GRM1: variants seen among roughly 807,000 people sequenced by gnomAD.
GRM1 encodes glutamate metabotropic receptor 1, also known as metabotropic glutamate receptor 1.
In GRM1, 33 loss-of-function variants were observed where a neutral mutation model predicts 90.9. That is an observed-to-expected ratio of 0.36 (90% CI 0.28 to 0.49). The LOEUF (loss-of-function observed/expected upper bound fraction) is 0.49. Among genes scored for constraint, GRM1 ranks in the 20% least tolerant of loss-of-function variants. GRM1 has a pLI of 0.99. For missense variants in GRM1, 1,190 were observed against 1,534.3 expected (o/e 0.78, Z 3.75); for synonymous variants, 700 against 613.2 (o/e 1.14, Z -2.09).
intron 1 of GRM1, among the ~76,000 whole-genome samples, chr6:146,049,388 C>A (rs13198450): frequency 0.39 from 59,240 of 151,784 alleles, 11,913 homozygotes; most frequent in Middle Eastern, 0.51. Flanking sequence ...TGGGACCCCC[C>A]TTTTCTCCTT....
intron 5 of GRM1, among the ~76,000 whole-genome samples, chr6:146,372,075 T>G (rs562044897): frequency 6.6e-6 from 1 of 152,142 alleles, no homozygotes; most frequent in Non-Finnish European, 1.5e-5. Flanking sequence ...TACATTCCCA[T>G]GAACAGTGTA....
At chr6:146,067,821 G>T (rs375623740) in intron 1 of GRM1, among the ~76,000 whole-genome samples, 15 of 152,134 alleles carry the variant, frequency 9.9e-5, no homozygotes, top group East Asian at 9.6e-4. Context: ...TTCTCAAAAT[G>T]TTGTGAAAAT....
chr6:146,280,967 C>G (rs1782545490), intron 2 of GRM1, among the ~76,000 whole-genome samples: 1 of 152,020 alleles, frequency 6.6e-6, no homozygotes, highest in South Asian at 2.1e-4. Flanking sequence ...ACCAACCTCA[C>G]CCATCCTTTC....
intron 1 of GRM1, 127 bp from the exon 2 acceptor site, chr6:146,159,221 G>A: frequency 9.3e-7 from 1 of 1,069,656 alleles, no homozygotes; most frequent in Non-Finnish European, 1.4e-6. Flanking sequence ...GTCAGTCTCA[G>A]CCATATTTAC....
At chr6:146,288,179 T>C (rs1279525296) in intron 2 of GRM1, among the ~76,000 whole-genome samples, 1 of 152,128 alleles carries the variant, frequency 6.6e-6, no homozygotes, top group Admixed American at 6.6e-5. Context: ...AATGACCCTG[T>C]TAAGGAGTAC....
At chr6:146,140,081 T>A (rs1776793792) in intron 1 of GRM1, among the ~76,000 whole-genome samples, 1 of 137,862 alleles carries the variant, frequency 7.3e-6, no homozygotes, top group Non-Finnish European at 1.6e-5. Context: ...TTTTCTCCTT[T>A]CTTTCTTTAT....
Position 146,215,788 on chromosome 6 carries a change from G to A in GRM1, c.950+56191G>A, listed in dbSNP as rs555755103. Among the ~76,000 whole-genome samples, 444 of 146,194 alleles carry A rather than the reference G, an allele frequency of 3.0e-3. 2 individuals carry two copies. Among genetic ancestry groups the A allele is most frequent in the Non-Finnish European group, 4.1e-3 (275 of 67,152 alleles). ...TTTTTTTTTTTTGAGACAGAGTCTC[G>A]CTCTGTTGCCCAGGCTGGAGTGCAG... On this transcript the variant is annotated intron_variant, in intron 2 of 7. Coordinates refer to ENST00000282753, the MANE Select transcript of GRM1 (RefSeq NM_001278064.2).
At chr6:146,305,780 G>A (rs1318573472) in intron 3 of GRM1, among the ~76,000 whole-genome samples, 5 of 152,072 alleles carry the variant, frequency 3.3e-5, no homozygotes, top group South Asian at 2.1e-4. Flanking sequence ...ATCATATTAC[G>A]CCCATGTATA....
At chr6:146,257,484 C>T (rs564583125) in intron 2 of GRM1, among the ~76,000 whole-genome samples, 8 of 150,818 alleles carry the variant, frequency 5.3e-5, no homozygotes, top group African/African-American at 7.3e-5. Flanking sequence ...TATGTGTGTG[C>T]GTATGTGTGT....
At chr6:146,135,513 G>A (rs1290849599) in intron 1 of GRM1, among the ~76,000 whole-genome samples, 3 of 152,186 alleles carry the variant, frequency 2.0e-5, no homozygotes, top group African/African-American at 7.2e-5. Context: ...AGATGTCGGA[G>A]GTTACTCAGT....
chr6:146,361,723 C>G (rs1775483067), intron 5 of GRM1, among the ~76,000 whole-genome samples: 1 of 152,182 alleles, frequency 6.6e-6, no homozygotes, highest in East Asian at 1.9e-4. Flanking sequence ...TCACTTGCCC[C>G]TAAGCTCTCT....
At position 146,089,747 on chromosome 6, in the gene GRM1, G is replaced by A. The variant is rs1022989477; in HGVS notation, c.700+59530G>A. On this transcript the variant is annotated intron_variant, in intron 1 of 7. Coordinates refer to ENST00000282753, the MANE Select transcript of GRM1 (RefSeq NM_001278064.2). The stretch of plus-strand genomic sequence containing the variant: ...TTCACATGCTACCAGCAATGTGTAA[G>A]CGTATCCTTTTTCTTTTATTCTTAC... Among the ~76,000 whole-genome samples the A allele has an allele frequency of 3.9e-5, 6 of 152,092 alleles. No individual in the cohort carries two copies. The East Asian group carries it at 1.2e-3, about 29-fold the overall frequency.
At chr6:146,190,512 T>C (rs1390062498) in intron 2 of GRM1, among the ~76,000 whole-genome samples, 1 of 152,100 alleles carries the variant, frequency 6.6e-6, no homozygotes, top group Admixed American at 6.6e-5. Context: ...TTGAGGGAGT[T>C]GGCCAACACG....
At chr6:146,080,949 G>A (rs574133344) in intron 1 of GRM1, among the ~76,000 whole-genome samples, 1 of 152,284 alleles carries the variant, frequency 6.6e-6, no homozygotes, top group Admixed American at 6.5e-5. Context: ...ACAGCTAAAT[G>A]TTTCCCAAGT....
At chr6:146,048,394 A>C (rs1791410082) in intron 1 of GRM1, among the ~76,000 whole-genome samples, 1 of 152,034 alleles carries the variant, frequency 6.6e-6, no homozygotes, top group Non-Finnish European at 1.5e-5. Flanking sequence ...GTAATACTTA[A>C]GAGTTAAAGC....
At chr6:146,256,430 C>T (rs1243490347) in intron 2 of GRM1, among the ~76,000 whole-genome samples, 1 of 152,164 alleles carries the variant, frequency 6.6e-6, no homozygotes, top group Non-Finnish European at 1.5e-5. Flanking sequence ...ACTCCTCCCC[C>T]AGTGTGTCTG....
chr6:146,399,751 T>G lies in GRM1; in HGVS notation c.2660+52T>G. ...CTTTTCTCTTCCTTTCTCTGTCTCT[T>G]TCTCTCTCTCTCTCTCTCTCTCTTT... On this transcript the variant is annotated intron_variant, in intron 7 of 7. Coordinates refer to ENST00000282753, the MANE Select transcript of GRM1 (RefSeq NM_001278064.2). The surrounding 1 kb of genome is among the most constrained non-coding windows in gnomAD (Gnocchi z 5.4). The G allele has an allele frequency of 9.4e-7, 1 of 1,062,490 alleles. No homozygotes were observed. 65.8% of individuals were successfully genotyped at this position (1,062,490 alleles called of 1,614,324 possible).
chr6:146,085,256 T>G (rs1383510769), intron 1 of GRM1, among the ~76,000 whole-genome samples: 1 of 152,002 alleles, frequency 6.6e-6, no homozygotes, highest in Non-Finnish European at 1.5e-5. Context: ...TAAATAAAAT[T>G]AAAAGAAAAG....
chr6:146,409,142 A>G (rs1365697347), intron 7 of GRM1, among the ~76,000 whole-genome samples: 1 of 152,194 alleles, frequency 6.6e-6, no homozygotes, highest in Non-Finnish European at 1.5e-5. Flanking sequence ...CTGGGTCCAG[A>G]GTGGAAAGGC....
Sources: gnomAD v4.1 joint callset for allele counts (sites outside exome capture counted in the v4.1 genomes callset) on GRCh38, gnomAD v4.1.1 for gene constraint, Gnocchi (gnomAD v3.1) non-coding constraint, MANE v1.5 for transcripts, NCBI Gene and HGNC (gene_info 2026-07-23, HGNC 2026-07-21) for gene names.